MAGI1: variants seen among roughly 807,000 people sequenced by gnomAD.
The protein encoded by MAGI1 is membrane associated guanylate kinase, WW and PDZ domain containing 1, also known as membrane-associated guanylate kinase, WW and PDZ domain-containing protein 1.
Under a neutral mutation model 139.9 loss-of-function variants are expected in MAGI1, and 58 were observed. The observed-to-expected ratio is 0.41, with a 90% CI of 0.34 to 0.52. The LOEUF is 0.52. Among genes scored for constraint, MAGI1 ranks in the 20% least tolerant of loss-of-function variants. MAGI1 has a pLI of 0.12. For missense variants in MAGI1, 1,874 were observed against 1,901.6 expected (o/e 0.99, Z 0.27); for synonymous variants, 812 against 737.9 (o/e 1.10, Z -1.63).
At chr3:65,650,062 A>C (rs184992287) in intron 1 of MAGI1, among the ~76,000 whole-genome samples, 24 of 152,254 alleles carry the variant, frequency 1.6e-4, no homozygotes, top group African/African-American at 5.8e-4. Flanking sequence ...GAGAGGTGTG[A>C]CCTTTAAGAG....
At position 65,429,742 on chromosome 3, in the gene MAGI1, C is replaced by G. The variant is rs1559547019; in HGVS notation, c.1945G>C (p.Gly649Arg). 1 of 1,613,962 alleles carries G rather than the reference C, an allele frequency of 6.2e-7. No individual in the cohort carries two copies. The highest frequency in any genetic ancestry group is 1.1e-5 in the South Asian group (1 of 91,084). ...ATAGTAAAACCAAAGCCCATTGGCC[C>G]TTTGACAATATGAACAGTTATGAGT... is the stretch of plus-strand genomic sequence containing the variant. ...PELITVHIVKGPMGFGFTIAD... is the reference protein window; with the variant it reads ...PELITVHIVKRPMGFGFTIAD... Residue 649 changes from glycine to arginine, a missense_variant, in exon 12 of 23, where the codon GGG becomes CGG. By Grantham distance (125) the Gly-to-Arg change is moderately radical (BLOSUM62 -2). Around this residue, in one of 5 missense-constraint regions of MAGI1, gnomAD observed 482 missense variants for 509.6 expected, o/e 0.95. Transcript: ENST00000402939.
At chr3:65,713,484 T>C (rs1051895808) in intron 1 of MAGI1, among the ~76,000 whole-genome samples, 2 of 152,122 alleles carry the variant, frequency 1.3e-5, no homozygotes, top group Admixed American at 1.3e-4. Context: ...ACAAAGTCCC[T>C]TCCAATATAA....
Position 65,429,697 on chromosome 3 carries a change from C to T in MAGI1, c.1990G>A (p.Gly664Ser). ...GFTIADSPGGGGQRVKQIVDS... is the reference protein window; with the variant it reads ...GFTIADSPGGSGQRVKQIVDS... ...ACAATCTGTTTCACTCTTTGGCCAC[C>T]CCCACCAGGACTGTCTGCGATAGTA... The change falls in exon 12 of 23, where the codon GGT becomes AGT. Residue 664 changes from glycine to serine, a missense_variant. By Grantham distance (56) the Gly-to-Ser change is moderately conservative (BLOSUM62 0). This residue lies in a region of MAGI1 where 482 missense variants were observed against 509.6 expected (regional missense o/e 0.95). Transcript: ENST00000402939. The T allele has an allele frequency of 6.2e-7, 1 of 1,613,918 alleles. No individual in the cohort carries two copies. Among genetic ancestry groups the T allele is most frequent in the Non-Finnish European group, 8.5e-7 (1 of 1,179,928 alleles).
At chr3:65,383,163 T>C (rs563408492) in intron 15 of MAGI1, among the ~76,000 whole-genome samples, 1 of 152,266 alleles carries the variant, frequency 6.6e-6, no homozygotes, top group African/African-American at 2.4e-5. Flanking sequence ...CAACTCAACA[T>C]ACAAAGCCTA....
intron 1 of MAGI1, among the ~76,000 whole-genome samples, chr3:65,901,370 C>T (rs2061225988): frequency 6.6e-6 from 1 of 152,162 alleles, no homozygotes; most frequent in African/African-American, 2.4e-5. Context: ...GGGTGAGAGT[C>T]ACGTGGTGAC....
At chr3:65,741,446 T>C (rs2035260540) in intron 1 of MAGI1, among the ~76,000 whole-genome samples, 1 of 152,212 alleles carries the variant, frequency 6.6e-6, no homozygotes, top group African/African-American at 2.4e-5. Context: ...AGTGCTGGGA[T>C]TACAGGCCTG....
At chr3:65,445,442 G>A (rs1251171635) in intron 7 of MAGI1, among the ~76,000 whole-genome samples, 2 of 152,194 alleles carry the variant, frequency 1.3e-5, no homozygotes, top group Non-Finnish European at 2.9e-5. Flanking sequence ...AAAATCTCAT[G>A]CTGCACTATT....
intron 1 of MAGI1, among the ~76,000 whole-genome samples, chr3:65,632,469 T>G (rs2084367957): frequency 6.6e-6 from 1 of 152,292 alleles, no homozygotes; most frequent in Non-Finnish European, 1.5e-5. Flanking sequence ...ATGATCATAT[T>G]TATTCAACTA....
intron 1 of MAGI1, among the ~76,000 whole-genome samples, chr3:65,668,183 G>A (rs2086642420): frequency 6.6e-6 from 1 of 152,160 alleles, no homozygotes. Context: ...AGATGGGGAT[G>A]ACAATAATAC....
intron 1 of MAGI1, among the ~76,000 whole-genome samples, chr3:65,944,791 G>C (rs1163311264): frequency 6.6e-6 from 1 of 152,178 alleles, no homozygotes; most frequent in African/African-American, 2.4e-5. Flanking sequence ...CAGCATTACA[G>C]AATAAGGGAA....
chr3:65,436,177 T>C (rs1947836000), intron 10 of MAGI1, among the ~76,000 whole-genome samples: 1 of 152,130 alleles, frequency 6.6e-6, no homozygotes, highest in Non-Finnish European at 1.5e-5. Context: ...ATTTCTTTCT[T>C]ATGAAAATTA....
At position 65,363,529 on chromosome 3, in the gene MAGI1, T is replaced by C; in HGVS notation, c.3431A>G (p.Asn1144Ser). ...TAAGCGCAGAACATAGAGGTCCATG[T>C]TATACTCTCGGCCTCCTCGAAGGCT... ...GFSLRGGREY[N>S]MDLYVLRLAE... Residue 1144 changes from asparagine to serine, a missense_variant, in exon 21 of 23, where the codon AAC becomes AGC. Transcript: ENST00000402939. 1.2e-6 allele frequency: 2 copies of C among 1,614,140 alleles called. No homozygotes were observed. Among genetic ancestry groups the C allele is most frequent in the South Asian group, 1.1e-5 (1 of 91,082 alleles).
At chr3:65,974,001 C>T (rs140276424) in intron 1 of MAGI1, among the ~76,000 whole-genome samples, 24 of 152,028 alleles carry the variant, frequency 1.6e-4, no homozygotes, top group African/African-American at 5.5e-4. Flanking sequence ...TAGTATACAT[C>T]AAATATGGTT....
intron 1 of MAGI1, among the ~76,000 whole-genome samples, chr3:65,972,872 A>G (rs2065074487): frequency 6.6e-6 from 1 of 152,234 alleles, no homozygotes; most frequent in Non-Finnish European, 1.5e-5. Flanking sequence ...AAAGTTAAAC[A>G]TATGAAAGAC....
At chr3:65,746,646 T>C (rs2035733540) in intron 1 of MAGI1, among the ~76,000 whole-genome samples, 1 of 152,088 alleles carries the variant, frequency 6.6e-6, no homozygotes, top group Admixed American at 6.5e-5. Context: ...GAGCACAAAC[T>C]ACCCTTGCTG....
intron 1 of MAGI1, among the ~76,000 whole-genome samples, chr3:65,721,633 T>A (rs552238303): frequency 6.6e-6 from 1 of 152,304 alleles, no homozygotes; most frequent in South Asian, 2.1e-4. Context: ...GGCAAATGGA[T>A]GCCTCTGGGT....
chr3:65,521,441 T>A (rs916744317), intron 2 of MAGI1, among the ~76,000 whole-genome samples: 7 of 152,326 alleles, frequency 4.6e-5, no homozygotes, highest in African/African-American at 1.7e-4. Context: ...TAGGAGCAAG[T>A]ACAAGAGATG....
intron 2 of MAGI1, among the ~76,000 whole-genome samples, chr3:65,582,290 T>C (rs963359971): frequency 3.9e-5 from 6 of 152,146 alleles, no homozygotes; most frequent in Non-Finnish European, 8.8e-5. Flanking sequence ...AAGAGTCTTG[T>C]ATGTGTTATG....
At chr3:65,945,996 G>GA (rs1283896124) in intron 1 of MAGI1, among the ~76,000 whole-genome samples, 1 of 151,920 alleles carries the variant, frequency 6.6e-6, no homozygotes, top group African/African-American at 2.4e-5. Context: ...TAAATTCCCT[G>GA]AAAAAAAATC....
Sources: allele counts gnomAD v4.1 joint callset (sites outside exome capture counted in the v4.1 genomes callset), GRCh38; gene constraint gnomAD v4.1.1; regional missense constraint gnomAD v4.1.1; transcripts MANE v1.5; gene names NCBI Gene and HGNC (gene_info 2026-07-23, HGNC 2026-07-21).